CNTN1: variants seen among roughly 807,000 people sequenced by gnomAD.
CNTN1 encodes the protein contactin-1.
Under a neutral mutation model 126.4 loss-of-function variants are expected in CNTN1, and 38 were observed. That is an observed-to-expected ratio of 0.30 (90% CI 0.23 to 0.39). The LOEUF (loss-of-function observed/expected upper bound fraction) is 0.39. CNTN1 is among the 10% of genes least tolerant of loss of function. CNTN1 has a pLI of 1.00. For missense variants in CNTN1, 1,009 were observed against 1,248.4 expected (o/e 0.81, Z 2.89); for synonymous variants, 413 against 422.6 (o/e 0.98, Z 0.28).
At chr12:40,819,923 T>A (rs1364747360) in intron 1 of CNTN1, among the ~76,000 whole-genome samples, 1 of 152,210 alleles carries the variant, frequency 6.6e-6, no homozygotes, top group Non-Finnish European at 1.5e-5. Context: ...TTCCCCTTCC[T>A]TGTGTCGTTC....
chr12:40,802,518 G>A (rs762950495), intron 1 of CNTN1, among the ~76,000 whole-genome samples: 2 of 151,934 alleles, frequency 1.3e-5, no homozygotes, highest in South Asian at 4.1e-4. Flanking sequence ...GAATTTAATC[G>A]TGCCAGTGCA....
intron 23 of CNTN1, among the ~76,000 whole-genome samples, chr12:41,049,895 T>C (rs1047339186): frequency 1.6e-4 from 24 of 152,216 alleles, no homozygotes; most frequent in African/African-American, 5.8e-4. Context: ...CTAATTAAGA[T>C]GTCTGTAATT....
At chr12:40,852,653 C>T (rs535641042) in intron 1 of CNTN1, among the ~76,000 whole-genome samples, 1 of 151,942 alleles carries the variant, frequency 6.6e-6, no homozygotes, top group South Asian at 2.1e-4. Context: ...CAGCTGATGT[C>T]ATAGAAATGA....
chr12:40,874,660 A>G (rs1477777176), intron 1 of CNTN1, among the ~76,000 whole-genome samples: 1 of 152,144 alleles, frequency 6.6e-6, no homozygotes, highest in African/African-American at 2.4e-5. Flanking sequence ...ACTATTTATG[A>G]ATGAAACTGC....
intron 16 of CNTN1, among the ~76,000 whole-genome samples, chr12:40,981,594 CT>C (rs1223847748): frequency 6.6e-6 from 1 of 151,936 alleles, no homozygotes; most frequent in Non-Finnish European, 1.5e-5. Context: ...ATCTTTCAAC[CT>C]TTTTCTTTTC....
chr12:40,797,608 G>A lies in CNTN1; in HGVS notation c.-77+105016G>A, dbSNP rs556958235. Among the ~76,000 whole-genome samples the A allele has an allele frequency of 5.9e-5, 9 of 152,122 alleles. No homozygotes were observed. In the South Asian group the frequency reaches 1.9e-3, roughly 32 times the overall value. ...ATAAGAAAACATCAAACATTTTTAA[G>A]CTAGTAAATAATGATGACACTGACA... On this transcript the variant is annotated intron_variant, in intron 1 of 23. Coordinates refer to ENST00000551295, the MANE Select transcript of CNTN1 (RefSeq NM_001843.4).
intron 1 of CNTN1, among the ~76,000 whole-genome samples, chr12:40,879,887 A>G (rs11178879): frequency 0.23 from 34,702 of 151,980 alleles, 5,754 homozygotes; most frequent in African/African-American, 0.47. Context: ...TAAAGAAAAA[A>G]TAGGTAACTC....
intron 8 of CNTN1, 36 bp from the exon 9 acceptor site, chr12:40,933,661 G>A (rs1042788910): frequency 1.9e-6 from 3 of 1,596,364 alleles, no homozygotes; most frequent in South Asian, 2.2e-5. Context: ...TCTTTTAAGT[G>A]TGTGAAACTT....
At chr12:40,956,434 G>T (rs1023090870) in intron 14 of CNTN1, among the ~76,000 whole-genome samples, 1 of 152,004 alleles carries the variant, frequency 6.6e-6, no homozygotes, top group Non-Finnish European at 1.5e-5. Flanking sequence ...AATATAGAAA[G>T]GGTACCTGCC....
At chr12:40,803,428 T>G (rs1419843797) in intron 1 of CNTN1, among the ~76,000 whole-genome samples, 1 of 152,020 alleles carries the variant, frequency 6.6e-6, no homozygotes, top group Non-Finnish European at 1.5e-5. Flanking sequence ...TAATGTTTAA[T>G]TTTGCTTTAA....
chr12:40,939,588 A>C, intron 12 of CNTN1, 103 bp downstream of exon 12: 3 of 1,370,414 alleles, frequency 2.2e-6, no homozygotes, highest in Non-Finnish European at 3.0e-6. Flanking sequence ...TTTTGCTCTG[A>C]ATTTTTTTTT....
chr12:40,893,981 G>C (rs1944320251), intron 1 of CNTN1, among the ~76,000 whole-genome samples: 1 of 151,994 alleles, frequency 6.6e-6, no homozygotes, highest in African/African-American at 2.4e-5. Flanking sequence ...TTGTTGAATA[G>C]CAACATCCTT....
chr12:40,970,075 A>C (rs1472723447), intron 15 of CNTN1, among the ~76,000 whole-genome samples: 2 of 152,086 alleles, frequency 1.3e-5, no homozygotes, highest in Non-Finnish European at 2.9e-5. Context: ...TGTTACTGAT[A>C]GAAATATGTC....
chr12:40,720,460 C>T (rs1443775570), intron 1 of CNTN1, among the ~76,000 whole-genome samples: 1 of 151,474 alleles, frequency 6.6e-6, no homozygotes, highest in African/African-American at 2.4e-5. Context: ...TGCAGTACAA[C>T]CAGTGAATTA....
Position 40,869,254 on chromosome 12 carries a change from A to G in CNTN1, c.-76-39103A>G, listed in dbSNP as rs1429464801. Among the ~76,000 whole-genome samples the G allele has an allele frequency of 2.7e-5, 4 of 150,288 alleles. No individual in the cohort carries two copies. The Admixed American group carries it at 2.7e-4, about 10-fold the overall frequency. ...AAAAAAATAAGGATGACAGGATACT[A>G]GATCCATCATTTCATTCCTCTTTTT... On this transcript the variant is annotated intron_variant, in intron 1 of 23. Coordinates refer to ENST00000551295, the MANE Select transcript of CNTN1 (RefSeq NM_001843.4).
At chr12:40,850,046 A>G (rs1942662242) in intron 1 of CNTN1, among the ~76,000 whole-genome samples, 1 of 152,058 alleles carries the variant, frequency 6.6e-6, no homozygotes, top group Admixed American at 6.5e-5. Context: ...TCTTTAGAAA[A>G]TGATATTGAT....
intron 1 of CNTN1, among the ~76,000 whole-genome samples, chr12:40,719,734 T>C (rs1942143521): frequency 6.6e-6 from 1 of 152,184 alleles, no homozygotes; most frequent in Non-Finnish European, 1.5e-5. Context: ...ACGAAGCAAA[T>C]ATTTATTATT....
rs145623171 is a variant in CNTN1 at position 40,972,640 on chromosome 12, C to G, written c.1805-8269C>G. On this transcript the variant is annotated intron_variant, in intron 15 of 23. Transcript: ENST00000551295. Reference sequence around the variant, plus strand: ...CTCTGGCTCAAGATGTTACTTATTTCCTTCTTTTATATTTTCTAGTCTCAA... The same window carrying G: ...CTCTGGCTCAAGATGTTACTTATTTGCTTCTTTTATATTTTCTAGTCTCAA... 158 of 939,160 alleles carry G rather than the reference C, an allele frequency of 1.7e-4. No homozygotes were observed. The East Asian group carries it at 0.014, about 84-fold the overall frequency. 58.2% of individuals were successfully genotyped at this position (939,160 alleles called of 1,614,324 possible).
At chr12:40,711,819 C>T (rs565177816) in intron 1 of CNTN1, among the ~76,000 whole-genome samples, 108 of 152,204 alleles carry the variant, frequency 7.1e-4, no homozygotes, top group African/African-American at 2.6e-3. Flanking sequence ...CTCAAGTGAT[C>T]CTCCCATCTC....
Sources: gnomAD v4.1 joint callset for allele counts (sites outside exome capture counted in the v4.1 genomes callset) on GRCh38, gnomAD v4.1.1 for gene constraint, MANE v1.5 for transcripts, NCBI Gene and HGNC (gene_info 2026-07-23, HGNC 2026-07-21) for gene names.